The following NAA25 variants were observed in gnomAD, a reference collection of about 807,000 sequenced individuals.
NAA25 encodes N-terminal acetyltransferase B complex subunit NAA25.
Under a neutral mutation model 132.5 loss-of-function variants are expected in NAA25, and 30 were observed. The observed-to-expected ratio is 0.23, with a 90% CI of 0.17 to 0.31. NAA25 has a LOEUF of 0.31. Ranked by LOEUF, NAA25 falls within the 10% of genes least tolerant of loss-of-function variation. NAA25 has a pLI of 1.00. For missense variants in NAA25, 771 were observed against 1,150.4 expected (o/e 0.67, Z 4.77); for synonymous variants, 359 against 401.9 (o/e 0.89, Z 1.28).
intron 1 of NAA25, among the ~76,000 whole-genome samples, chr12:112,094,497 T>C (rs2079184636): frequency 6.6e-6 from 1 of 152,192 alleles, no homozygotes; most frequent in South Asian, 2.1e-4. Flanking sequence ...CCAAGTGGAC[T>C]ATGTTCCTTC....
intron 15 of NAA25, 53 bp from the exon 16 acceptor site, chr12:112,048,496 TAAGC>T: frequency 6.6e-7 from 1 of 1,512,506 alleles, no homozygotes; most frequent in Non-Finnish European, 9.1e-7. Flanking sequence ...TCAGGCAATG[TAAGC>T]AAACCTTGCC....
chr12:112,094,558 T>C (rs1169862850), intron 1 of NAA25, among the ~76,000 whole-genome samples: 1 of 152,198 alleles, frequency 6.6e-6, no homozygotes, highest in African/African-American at 2.4e-5. Context: ...TAAGTCTAAT[T>C]TGCTGAAGAA....
intron 1 of NAA25, among the ~76,000 whole-genome samples, chr12:112,100,269 C>T (rs112355658): frequency 6.6e-6 from 1 of 152,142 alleles, no homozygotes; most frequent in Non-Finnish European, 1.5e-5. Context: ...TCAAGTGATT[C>T]TCCTGCCTCA....
intron 4 of NAA25, among the ~76,000 whole-genome samples, chr12:112,085,015 A>G (rs994960650): frequency 6.6e-6 from 1 of 151,996 alleles, no homozygotes; most frequent in East Asian, 1.9e-4. Context: ...GTGGGTCAAG[A>G]GGTGAGGAGT....
intron 11 of NAA25, among the ~76,000 whole-genome samples, chr12:112,062,621 G>A (rs985460759): frequency 1.3e-5 from 2 of 151,774 alleles, no homozygotes; most frequent in Non-Finnish European, 2.9e-5. Context: ...AACTACTCAG[G>A]AGGGTGAGGC....
chr12:112,035,007 A>T (rs2078204985), intron 22 of NAA25: 1 of 152,146 alleles, frequency 6.6e-6, no homozygotes, highest in South Asian at 2.1e-4. Flanking sequence ...ATTTACTGAC[A>T]TGAAAAAATG....
intron 8 of NAA25, 86 bp from the exon 9 acceptor site, chr12:112,074,850 G>A (rs1228272187): frequency 4.2e-6 from 4 of 943,536 alleles, no homozygotes; most frequent in Non-Finnish European, 4.9e-6. Context: ...AATTTATTTT[G>A]TAAGTTATAT....
At chr12:112,044,530 C>T (rs1161142549) in intron 17 of NAA25, among the ~76,000 whole-genome samples, 2 of 151,380 alleles carry the variant, frequency 1.3e-5, no homozygotes, top group African/African-American at 2.4e-5. Flanking sequence ...ATTAGCCGGG[C>T]GTGGTGGTGG....
chr12:112,088,018 TTATAGGATC>T (rs1013875627), intron 3 of NAA25, among the ~76,000 whole-genome samples: 2 of 152,128 alleles, frequency 1.3e-5, no homozygotes, highest in African/African-American at 4.8e-5. Context: ...ATATAAGACC[TTATAGGATC>T]TGGCCTCTGT....
In NAA25 at chr12:112,047,530, C is replaced by T. The variant is rs143671036; in HGVS notation, c.2006+135G>A. 246 of 1,096,508 alleles carry T rather than the reference C, an allele frequency of 2.2e-4. No individual in the cohort carries two copies. In the African/African-American group the frequency reaches 3.5e-3, roughly 16 times the overall value. The allele number at this position is 1,096,508 out of a possible 1,614,324, so 67.9% of individuals were successfully genotyped here. ...TACAGGCCTGAGCCACCGTGCCCAG[C>T]CCAACCTAATTCTTTAAAAATAAAC... is the stretch of plus-strand genomic sequence containing the variant. On this transcript the variant is annotated intron_variant, in intron 17 of 23. Coordinates refer to ENST00000261745, the MANE Select transcript of NAA25 (RefSeq NM_024953.4).
intron 9 of NAA25, among the ~76,000 whole-genome samples, chr12:112,072,477 C>T (rs1016977376): frequency 6.6e-6 from 1 of 151,814 alleles, no homozygotes; most frequent in African/African-American, 2.4e-5. Flanking sequence ...GGCGTGGTGG[C>T]ATGCACCTGT....
At chr12:112,065,711 C>T (rs2078707806) in intron 11 of NAA25, 1 of 151,976 alleles carries the variant, frequency 6.6e-6, no homozygotes, top group Non-Finnish European at 1.5e-5. Context: ...TATTGTTTAG[C>T]TAAAACCCCA....
intron 9 of NAA25, among the ~76,000 whole-genome samples, 158 bp from the exon 10 acceptor site, chr12:112,072,222 T>C (rs1271850201): frequency 6.6e-6 from 1 of 152,182 alleles, no homozygotes; most frequent in East Asian, 1.9e-4. Flanking sequence ...TTCTAACAGA[T>C]AACATGTTAT....
At chr12:112,099,023 T>TG in intron 1 of NAA25, among the ~76,000 whole-genome samples, 1 of 151,942 alleles carries the variant, frequency 6.6e-6, no homozygotes, top group Non-Finnish European at 1.5e-5. Flanking sequence ...AGTCTCACTC[T>TG]GTCGCCAGGC....
chr12:112,088,318 T>G (rs1447847487), intron 3 of NAA25, among the ~76,000 whole-genome samples: 2 of 85,128 alleles, frequency 2.3e-5, no homozygotes, highest in African/African-American at 6.5e-5. Context: ...TATATTGTAG[T>G]TTTTTTTTTT....
intron 15 of NAA25, among the ~76,000 whole-genome samples, chr12:112,050,350 C>T (rs1056735977): frequency 2.6e-5 from 4 of 152,032 alleles, no homozygotes; most frequent in South Asian, 2.1e-4. Context: ...GTATGTTGTC[C>T]GTACCTATTT....
At chr12:112,060,025 T>A (rs2078603671) in intron 13 of NAA25, among the ~76,000 whole-genome samples, 1 of 152,024 alleles carries the variant, frequency 6.6e-6, no homozygotes, top group East Asian at 1.9e-4. Flanking sequence ...GCCAGGCTAA[T>A]CTCGAACTCC....
At chr12:112,059,725 C>T (rs563383051) in intron 13 of NAA25, among the ~76,000 whole-genome samples, 3 of 151,492 alleles carry the variant, frequency 2.0e-5, no homozygotes, top group South Asian at 2.1e-4. Flanking sequence ...ATAGTCATTA[C>T]TTATTATTCA....
chr12:112,092,376 G>A (rs2079145569), intron 2 of NAA25, among the ~76,000 whole-genome samples: 1 of 152,108 alleles, frequency 6.6e-6, no homozygotes, highest in African/African-American at 2.4e-5. Context: ...TGTAACCCCA[G>A]CACTCTGGGA....
Sources: gnomAD v4.1 joint callset for allele counts (sites outside exome capture counted in the v4.1 genomes callset) on GRCh38, gnomAD v4.1.1 for gene constraint, MANE v1.5 for transcripts, NCBI Gene and HGNC (gene_info 2026-07-23, HGNC 2026-07-21) for gene names.